Variants in OSBP2 observed in about 807,000 individuals in gnomAD.
The protein encoded by OSBP2 is oxysterol binding protein 2, also known as oxysterol-binding protein 2.
A neutral mutation model predicts 96.0 loss-of-function variants in OSBP2; 66 were observed. The ratio of observed to expected loss-of-function variants is 0.69; its 90% CI spans 0.56 to 0.84. The LOEUF (loss-of-function observed/expected upper bound fraction) is 0.84. Among genes scored for constraint, OSBP2 ranks in the 40% least tolerant of loss-of-function variants. OSBP2 has a pLI of 0.00. For synonymous variants in OSBP2, 525 were observed against 520.9 expected (o/e 1.01, Z -0.11); for missense variants, 1,038 against 1,222.7 (o/e 0.85, Z 2.25).
chr22:30,714,425 T>C (rs2089412053), intron 1 of OSBP2, among the ~76,000 whole-genome samples: 1 of 152,062 alleles, frequency 6.6e-6, no homozygotes, highest in Non-Finnish European at 1.5e-5. Context: ...TTTTTTGTTG[T>C]AGTAAAAAAC....
In OSBP2 at chr22:30,905,716, C is replaced by T. The variant is rs1053255873; in HGVS notation, c.2376-121C>T. The T allele has an allele frequency of 1.7e-5, 24 of 1,414,666 alleles. No homozygotes were observed. In the Admixed American group the frequency reaches 4.5e-4, roughly 26 times the overall value. The allele number at this position is 1,414,666 out of a possible 1,614,324, so 87.6% of individuals were successfully genotyped here. Reference sequence around the variant, plus strand: ...GCCCAAGGCCAGAGGGAGTCCTGGACGCGGGGAGCTGGAGGGTGAGGCGAC... The same window carrying T: ...GCCCAAGGCCAGAGGGAGTCCTGGATGCGGGGAGCTGGAGGGTGAGGCGAC... On this transcript the variant is annotated intron_variant, in intron 12 of 13. Coordinates refer to ENST00000332585, the MANE Select transcript of OSBP2 (RefSeq NM_030758.4).
chr22:30,739,741 TCA>T, intron 1 of OSBP2, among the ~76,000 whole-genome samples: 1 of 152,166 alleles, frequency 6.6e-6, no homozygotes, highest in East Asian at 1.9e-4. Context: ...AAAGAGTAAT[TCA>T]CACAGAGTCT....
chr22:30,695,765 C>T (rs1489968064), intron 1 of OSBP2, among the ~76,000 whole-genome samples: 1 of 152,216 alleles, frequency 6.6e-6, no homozygotes, highest in East Asian at 1.9e-4. Context: ...CGGACATGAC[C>T]TCTGGCAAGC....
intron 2 of OSBP2, among the ~76,000 whole-genome samples, chr22:30,747,916 C>T (rs2090025254): frequency 1.3e-5 from 2 of 152,154 alleles, no homozygotes; most frequent in Admixed American, 1.3e-4. Flanking sequence ...GAGTCTTGCT[C>T]TGTCACCCAG....
intron 1 of OSBP2, among the ~76,000 whole-genome samples, chr22:30,725,569 A>G (rs567253193): frequency 6.6e-6 from 1 of 151,900 alleles, no homozygotes; most frequent in Non-Finnish European, 1.5e-5. Flanking sequence ...CACAAAAAAA[A>G]CAAATTCTAG....
At chr22:30,788,262 G>T (rs1392145568) in intron 2 of OSBP2, among the ~76,000 whole-genome samples, 1 of 152,144 alleles carries the variant, frequency 6.6e-6, no homozygotes, top group Non-Finnish European at 1.5e-5. Context: ...AAGAGGACGG[G>T]AGTGCTACCA....
At position 30,889,128 on chromosome 22, in the gene OSBP2, G is replaced by A. The variant is rs751956262; in HGVS notation, c.1419-49G>A. On this transcript the variant is annotated intron_variant, in intron 5 of 13. Transcript: ENST00000332585. The stretch of plus-strand genomic sequence containing the variant: ...GGAGAGAGGATGGGCCAGGTCCCAA[G>A]GAGACCTCGGGATTCATTAGTAACT... 3 of 1,564,812 alleles carry A rather than the reference G, an allele frequency of 1.9e-6. No individual in the cohort carries two copies. In the African/African-American group the frequency reaches 4.1e-5, roughly 21 times the overall value.
At chr22:30,697,304 G>A (rs2089060037) in intron 1 of OSBP2, among the ~76,000 whole-genome samples, 1 of 151,886 alleles carries the variant, frequency 6.6e-6, no homozygotes, top group South Asian at 2.1e-4. Context: ...TTTTGAGATG[G>A]AGTCTCACTC....
At chr22:30,705,623 G>A (rs1242794245) in intron 1 of OSBP2, among the ~76,000 whole-genome samples, 2 of 152,140 alleles carry the variant, frequency 1.3e-5, no homozygotes, top group Non-Finnish European at 2.9e-5. Flanking sequence ...TTGGTGGAGT[G>A]TCTGCTGTGA....
chr22:30,828,776 G>A (rs2038458469), intron 2 of OSBP2, among the ~76,000 whole-genome samples: 1 of 152,150 alleles, frequency 6.6e-6, no homozygotes, highest in Non-Finnish European at 1.5e-5. Flanking sequence ...GCTCAAGGAA[G>A]GAGGAGAGGA....
intron 2 of OSBP2, among the ~76,000 whole-genome samples, chr22:30,758,427 C>T (rs1281751978): frequency 6.6e-6 from 1 of 151,936 alleles, no homozygotes; most frequent in Admixed American, 6.6e-5. Context: ...AAAATGTGGA[C>T]AGAATGCACA....
intron 1 of OSBP2, among the ~76,000 whole-genome samples, chr22:30,718,054 G>A (rs1012407837): frequency 2.0e-5 from 3 of 152,188 alleles, no homozygotes; most frequent in Admixed American, 2.0e-4. Context: ...GAGTAAGCTA[G>A]GAGGTGTGTC....
intron 2 of OSBP2, among the ~76,000 whole-genome samples, chr22:30,862,745 G>A (rs773579679): frequency 2.6e-5 from 4 of 151,942 alleles, no homozygotes; most frequent in Non-Finnish European, 5.9e-5. Context: ...AGGCTAAGGT[G>A]GGTGGATCAC....
At chr22:30,889,686 C>A in intron 7 of OSBP2, 50 bp downstream of exon 7, 2 of 1,586,874 alleles carry the variant, frequency 1.3e-6, no homozygotes, top group East Asian at 4.5e-5. Context: ...GGGCTGCTTT[C>A]CTGTGCGTGG....
chr22:30,695,485 G>C lies in OSBP2; in HGVS notation c.576G>C (p.Trp192Cys). ...GCTTCGAGGGCTGGCTTCTCAAGTG[G>C]ACCAACTATCTGAAGGGCTACCAGC... is the stretch of plus-strand genomic sequence containing the variant. ...LDSFEGWLLK[W>C]TNYLKGYQRR... Residue 192 changes from tryptophan to cysteine, a missense_variant, in exon 1 of 14, where the codon TGG becomes TGC. Around this residue, in one of 3 missense-constraint regions of OSBP2, gnomAD observed 281 missense variants for 273.4 expected, o/e 1.03. Transcript: ENST00000332585. 6.2e-7 allele frequency: 1 copy of C among 1,613,298 alleles called. No homozygotes were observed. Among genetic ancestry groups the C allele is most frequent in the South Asian group, 1.1e-5 (1 of 91,082 alleles).
At chr22:30,889,274 T>C in intron 6 of OSBP2, 40 bp downstream of exon 6, 1 of 1,588,710 alleles carries the variant, frequency 6.3e-7, no homozygotes. Flanking sequence ...GAAGGCAGCT[T>C]CTGGCCTAGG....
At chr22:30,858,879 C>CAATAAT (rs137975802) in intron 2 of OSBP2, among the ~76,000 whole-genome samples, 5,424 of 141,344 alleles carry the variant, frequency 0.038, 115 homozygotes, top group South Asian at 0.11. Flanking sequence ...GACTCTGTCT[C>CAATAAT]AATAATAATA....
In OSBP2 at chr22:30,890,521, A is replaced by G. The variant is rs1256405990; in HGVS notation, c.1624-207A>G. The stretch of plus-strand genomic sequence containing the variant: ...AAGTGTGTAGGATGCAGCAGACCAG[A>G]AAGTGGGAAGGGCTGTGGAGAAAAC... On this transcript the variant is annotated intron_variant, in intron 7 of 13. Coordinates refer to ENST00000332585, the MANE Select transcript of OSBP2 (RefSeq NM_030758.4). This position sits in a 1 kb window ranked among gnomAD's most constrained non-coding sequence, Gnocchi z 4.4. Among the ~76,000 whole-genome samples the G allele has an allele frequency of 5.3e-5, 8 of 152,192 alleles. No individual in the cohort carries two copies. Among genetic ancestry groups the G allele is most frequent in the Admixed American group, 5.2e-4 (8 of 15,288 alleles).
rs1491091512 is a variant in OSBP2 at position 30,730,810 on chromosome 22, T to TATATTA, written c.645-10351_645-10350insATATTA. On this transcript the variant is annotated intron_variant, in intron 1 of 13. Coordinates refer to ENST00000332585, the MANE Select transcript of OSBP2 (RefSeq NM_030758.4). ...TATATATATATATATATATATATAATTTTTTTTTTTTTTCCCATGGACATT... is the reference window on the plus strand; with the variant it reads ...TATATATATATATATATATATATAATATATTATTTTTTTTTTTTTCCCATGGACATT... 9.1e-5 allele frequency among the ~76,000 whole-genome samples: 5 copies of TATATTA among 54,782 alleles called. 1 individual carries two copies. The highest frequency in any genetic ancestry group is 1.4e-4 in the Non-Finnish European group (4 of 29,380). The allele number at this position is 54,782 out of a possible 152,430, so 35.9% of individuals were successfully genotyped here. A position where few individuals can be genotyped will look rare whatever the true frequency, so the allele number is the denominator to read the frequency against.
Sources: gnomAD v4.1 joint callset for allele counts (sites outside exome capture counted in the v4.1 genomes callset) on GRCh38, gnomAD v4.1.1 for gene constraint, gnomAD v4.1.1 regional missense constraint, Gnocchi (gnomAD v3.1) non-coding constraint, MANE v1.5 for transcripts, NCBI Gene and HGNC (gene_info 2026-07-23, HGNC 2026-07-21) for gene names.